The following NDUFV2 variants were observed in gnomAD, a reference collection of about 807,000 sequenced individuals.
NDUFV2 encodes NADH:ubiquinone oxidoreductase core subunit V2, also known as NADH dehydrogenase [ubiquinone] flavoprotein 2, mitochondrial.
Under a neutral mutation model 31.6 loss-of-function variants are expected in NDUFV2, and 18 were observed. The ratio of observed to expected loss-of-function variants is 0.57; its 90% CI spans 0.39 to 0.84. The LOEUF (loss-of-function observed/expected upper bound fraction) is 0.84, where lower values mean the gene tolerates loss of function less well. Ranked by LOEUF, NDUFV2 falls within the 40% of genes least tolerant of loss-of-function variation. The pLI is 0.00. For synonymous variants in NDUFV2, 83 were observed against 99.8 expected (o/e 0.83, Z 1.01); for missense variants, 314 against 303.6 (o/e 1.03, Z -0.26).
chr18:9,128,346 T>C (rs1394644124), intron 7 of NDUFV2, among the ~76,000 whole-genome samples: 1 of 152,232 alleles, frequency 6.6e-6, no homozygotes, highest in Non-Finnish European at 1.5e-5. Flanking sequence ...CCCTACTTAA[T>C]GAGAAAATGA....
chr18:9,112,189 T>C (rs903935187), intron 1 of NDUFV2, among the ~76,000 whole-genome samples: 3 of 151,616 alleles, frequency 2.0e-5, no homozygotes, highest in Admixed American at 1.3e-4. Context: ...CGGTGAATTT[T>C]TGTATTTTTA....
At chr18:9,113,645 C>T (rs867384439) in intron 1 of NDUFV2, among the ~76,000 whole-genome samples, 1 of 152,188 alleles carries the variant, frequency 6.6e-6, no homozygotes, top group African/African-American at 2.4e-5. Context: ...TAGCCCGGTG[C>T]CACACCCTGG....
chr18:9,121,875 C>T (rs1446847645), intron 4 of NDUFV2, among the ~76,000 whole-genome samples: 1 of 152,174 alleles, frequency 6.6e-6, no homozygotes, highest in Non-Finnish European at 1.5e-5. Flanking sequence ...TATGATTCAA[C>T]TTTCAAAAGA....
In NDUFV2 at chr18:9,103,047, T is replaced by C. The variant is rs1598339309; in HGVS notation, c.54+250T>C. The C allele has an allele frequency of 2.9e-5, 14 of 491,144 alleles. No homozygotes were observed. In the East Asian group the frequency reaches 4.8e-4, roughly 17 times the overall value. The allele number at this position is 491,144 out of a possible 1,614,324, so 30.4% of individuals were successfully genotyped here. ...AGGACAGAAAAGAGGGGCTGCTTGG[T>C]GATATATATATATATGTTTGTTTGT... On this transcript the variant is annotated intron_variant, in intron 1 of 7. Coordinates refer to ENST00000318388, the MANE Select transcript of NDUFV2 (RefSeq NM_021074.5).
In NDUFV2 at chr18:9,105,679, A is replaced by G. The variant is rs369041969; in HGVS notation, c.54+2882A>G. ...AACCCATTGTAAATTGAAAGTATGT[A>G]AATTTCAGTTTACAGTGGGGTTATC... On this transcript the variant is annotated intron_variant, in intron 1 of 7. Transcript: ENST00000318388. 7.2e-5 allele frequency among the ~76,000 whole-genome samples: 11 copies of G among 152,316 alleles called. 1 individual carries two copies. Among genetic ancestry groups the G allele is most frequent in the African/African-American group, 2.6e-4 (11 of 41,554 alleles).
intron 4 of NDUFV2, among the ~76,000 whole-genome samples, chr18:9,121,779 G>A (rs571522380): frequency 6.6e-6 from 1 of 152,156 alleles, no homozygotes; most frequent in African/African-American, 2.4e-5. Flanking sequence ...CTGAGTTAGT[G>A]ATCCCCTTAG....
chr18:9,107,978 G>T (rs1344363374), intron 1 of NDUFV2, among the ~76,000 whole-genome samples: 1 of 152,124 alleles, frequency 6.6e-6, no homozygotes, highest in Non-Finnish European at 1.5e-5. Flanking sequence ...TGCATGAGGT[G>T]AGACTGAACC....
At chr18:9,129,324 C>T (rs2078020308) in intron 7 of NDUFV2, among the ~76,000 whole-genome samples, 1 of 152,140 alleles carries the variant, frequency 6.6e-6, no homozygotes, top group African/African-American at 2.4e-5. Flanking sequence ...ACTCTCCTGC[C>T]ACACAAATTG....
rs951048911 is a variant in NDUFV2 at position 9,125,099 on chromosome 18, G to C, written c.579+116G>C. 4.3e-5 allele frequency: 48 copies of C among 1,111,628 alleles called. No individual in the cohort carries two copies. The African/African-American group carries it at 6.6e-4, about 15-fold the overall frequency. 68.9% of individuals were successfully genotyped at this position (1,111,628 alleles called of 1,614,324 possible). A position where few individuals can be genotyped will look rare whatever the true frequency, so the allele number is the denominator to read the frequency against. On this transcript the variant is annotated intron_variant, in intron 6 of 7. Coordinates refer to ENST00000318388, the MANE Select transcript of NDUFV2 (RefSeq NM_021074.5). The stretch of plus-strand genomic sequence containing the variant: ...TCTGAATTACTCATTTAGAAGAAAT[G>C]GTTACCATAAATATCCAGGTTTTAA...
chr18:9,121,888 A>G (rs1350267276), intron 4 of NDUFV2, among the ~76,000 whole-genome samples: 2 of 152,218 alleles, frequency 1.3e-5, no homozygotes, highest in Admixed American at 1.3e-4. Flanking sequence ...TCAAAAGAGT[A>G]TTGTGATATG....
chr18:9,112,045 A>G (rs1174133988), intron 1 of NDUFV2, among the ~76,000 whole-genome samples: 4 of 142,020 alleles, frequency 2.8e-5, no homozygotes, highest in African/African-American at 5.5e-5. Flanking sequence ...TTGATAGAGA[A>G]TCTCGCTCTG....
Position 9,117,868 on chromosome 18 carries a change from G to T in NDUFV2, c.85G>T (p.Val29Phe). 6.2e-7 allele frequency: 1 copy of T among 1,600,998 alleles called. No individual in the cohort carries two copies. Among genetic ancestry groups the T allele is most frequent in the East Asian group, 2.2e-5 (1 of 44,720 alleles). ...GRHVRNLHKT[V>F]MQNGAGGALF... ...ACATGTAAGGAATTTGCATAAGACA[G>T]TTATGCAAAATGGAGCTGGAGGAGC... The change falls in exon 2 of 8, where the codon GTT (valine) becomes TTT (phenylalanine). Residue 29 changes from valine to phenylalanine, a missense_variant. Transcript: ENST00000318388.
chr18:9,133,930 C>G (rs1189741038), intron 7 of NDUFV2, among the ~76,000 whole-genome samples: 1 of 152,090 alleles, frequency 6.6e-6, no homozygotes, highest in Non-Finnish European at 1.5e-5. Flanking sequence ...TGTATGCATA[C>G]TGCTCAGTAA....
intron 5 of NDUFV2, among the ~76,000 whole-genome samples, chr18:9,123,123 A>T (rs368005781): frequency 6.6e-6 from 1 of 152,254 alleles, no homozygotes; most frequent in Non-Finnish European, 1.5e-5. Context: ...AGATGTTATT[A>T]CAGTAGCATT....
Position 9,122,656 on chromosome 18 carries a change from A to G in NDUFV2, c.444A>G (p.Ile148Met). The change falls in exon 5 of 8, where the codon ATA becomes ATG. Residue 148 changes from isoleucine to methionine, a missense_variant. Transcript: ENST00000318388. ...TPCMLRNSDS[I>M]LEAIQKKLGI... The stretch of plus-strand genomic sequence containing the variant: ...GCATGCTTCGAAACTCTGACAGCAT[A>G]CTGGAGGCCATTCAGAAAAAGCTTG... The G allele has an allele frequency of 6.2e-7, 1 of 1,614,012 alleles. No individual in the cohort carries two copies. The highest frequency in any genetic ancestry group is 8.5e-7 in the Non-Finnish European group (1 of 1,179,910).
chr18:9,124,772 T>TA, intron 5 of NDUFV2, 102 bp from the exon 6 acceptor site: 1 of 1,260,196 alleles, frequency 7.9e-7, no homozygotes, highest in Non-Finnish European at 1.1e-6. Context: ...TTAATAGTCT[T>TA]AAACTTTTAA....
At chr18:9,106,981 C>G (rs376864810) in intron 1 of NDUFV2, among the ~76,000 whole-genome samples, 13 of 152,092 alleles carry the variant, frequency 8.5e-5, no homozygotes, top group African/African-American at 3.1e-4. Flanking sequence ...ATTGGGCCCA[C>G]CTAGATAATC....
rs2077977521 is a variant in NDUFV2 at position 9,125,067 on chromosome 18, G to T, written c.579+84G>T. ...AATATTTGATTTTGTGTCCTTAGAT[G>T]TTGGTTTCTGAATTACTCATTTAGA... is the stretch of plus-strand genomic sequence containing the variant. On this transcript the variant is annotated intron_variant, in intron 6 of 7. Transcript: ENST00000318388. 9.2e-6 allele frequency: 13 copies of T among 1,416,392 alleles called. No individual in the cohort carries two copies. In the South Asian group the frequency reaches 1.7e-4, roughly 18 times the overall value. The allele number at this position is 1,416,392 out of a possible 1,614,324, so 87.7% of individuals were successfully genotyped here.
intron 1 of NDUFV2, chr18:9,112,474 T>C (rs1186856895): frequency 2.6e-5 from 4 of 152,272 alleles, no homozygotes; most frequent in South Asian, 4.1e-4. Flanking sequence ...AAAGACTTCA[T>C]TGGGTTTTTT....
Sources: allele counts gnomAD v4.1 joint callset (sites outside exome capture counted in the v4.1 genomes callset), GRCh38; gene constraint gnomAD v4.1.1; transcripts MANE v1.5; gene names NCBI Gene and HGNC (gene_info 2026-07-23, HGNC 2026-07-21).